Variants in CRY1 observed in about 807,000 individuals in gnomAD.
CRY1 encodes the protein cryptochrome-1.
CRY1 carries 45 observed loss-of-function variants against 76.0 expected under a neutral mutation model. That is an observed-to-expected ratio of 0.59 (90% confidence interval 0.47 to 0.76). The LOEUF (loss-of-function observed/expected upper bound fraction) is 0.76. CRY1 is among the 30% of genes least tolerant of loss of function. The pLI, the probability that CRY1 is intolerant of heterozygous loss-of-function variation, is 0.00. For missense variants in CRY1, 587 were observed against 716.4 expected, an observed-to-expected ratio of 0.82 and a Z score of 2.06; for synonymous variants, 248 against 244.0, an observed-to-expected ratio of 1.02 and a Z score of -0.15.
intron 10 of CRY1, among the ~76,000 whole-genome samples, chr12:106,994,855 G>A (rs1952216710): frequency 6.6e-6 from 1 of 152,214 alleles, no homozygotes; most frequent in South Asian, 2.1e-4. Flanking sequence ...AACTGAACAA[G>A]AGATCTGAAA....
At chr12:107,028,161 C>T (rs1255513792) in intron 1 of CRY1, among the ~76,000 whole-genome samples, 1 of 151,832 alleles carries the variant, frequency 6.6e-6, no homozygotes, top group Non-Finnish European at 1.5e-5. Context: ...TCTGTATACA[C>T]CATCATAAAG....
chr12:107,004,500 A>G (rs1422817904), intron 3 of CRY1, among the ~76,000 whole-genome samples: 2 of 152,218 alleles, frequency 1.3e-5, no homozygotes, highest in African/African-American at 4.8e-5. Flanking sequence ...CTCATAGCAT[A>G]TAACACTCCC....
intron 3 of CRY1, among the ~76,000 whole-genome samples, chr12:107,002,993 G>C (rs1952329278): frequency 1.3e-5 from 2 of 152,120 alleles, no homozygotes; most frequent in Admixed American, 6.6e-5. Flanking sequence ...AAATTGCCCA[G>C]TCTCGGGTAT....
At chr12:107,031,732 G>A (rs551642663) in intron 1 of CRY1, among the ~76,000 whole-genome samples, 2 of 152,100 alleles carry the variant, frequency 1.3e-5, no homozygotes, top group Admixed American at 6.5e-5. Flanking sequence ...ATTGAGGGCC[G>A]TTCTACAAAA....
chr12:107,078,014 C>G (rs903288551), intron 1 of CRY1, among the ~76,000 whole-genome samples: 1 of 152,044 alleles, frequency 6.6e-6, no homozygotes, highest in Non-Finnish European at 1.5e-5. Context: ...AAAAAATTTA[C>G]GTAATTCATT....
chr12:107,069,284 G>A (rs1424797463), intron 1 of CRY1, among the ~76,000 whole-genome samples: 1 of 149,764 alleles, frequency 6.7e-6, no homozygotes, highest in Non-Finnish European at 1.5e-5. Context: ...GAGTGCAGTG[G>A]TGCAATCTTG....
chr12:107,082,397 C>A (rs551092284), intron 1 of CRY1, among the ~76,000 whole-genome samples: 2 of 152,234 alleles, frequency 1.3e-5, no homozygotes, highest in East Asian at 3.9e-4. Flanking sequence ...AATATACATT[C>A]TTCTCACACC....
intron 1 of CRY1, among the ~76,000 whole-genome samples, chr12:107,066,668 A>G (rs1353245464): frequency 6.6e-6 from 1 of 151,994 alleles, no homozygotes; most frequent in African/African-American, 2.4e-5. Flanking sequence ...GTTTCACCAT[A>G]TTGCCCAGGC....
intron 1 of CRY1, among the ~76,000 whole-genome samples, chr12:107,069,537 TTATATATATAAAG>T (rs1953152727): frequency 7.1e-6 from 1 of 140,284 alleles, no homozygotes; most frequent in Non-Finnish European, 1.5e-5. Context: ...TATATATATA[TTATATATATAAAG>T]TATATATATA....
intron 1 of CRY1, chr12:107,042,975 C>T (rs946470633): frequency 3.9e-5 from 6 of 152,136 alleles, no homozygotes; most frequent in Non-Finnish European, 5.9e-5. Context: ...CTGTGCTCAC[C>T]GTAGAGAAAA....
Position 107,092,858 on chromosome 12 carries a change from T to C in CRY1, c.104A>G (p.Tyr35Cys), listed in dbSNP as rs759321847. Residue 35 changes from tyrosine (Y) to cysteine (C), a missense_variant, in exon 1 of 13, where the codon TAC becomes TGC. Tyr to Cys is a radical substitution (Grantham distance 194). Transcript: ENST00000008527. ...IQGADTIRCVYILDPWFAGSS... is the reference protein window; with the variant it reads ...IQGADTIRCVCILDPWFAGSS... ...GCCGGCGAACCAGGGGTCCAGGATGTAGACGCAGCGGATGGTGTCGGCGCC... is the reference window on the plus strand; with the variant it reads ...GCCGGCGAACCAGGGGTCCAGGATGCAGACGCAGCGGATGGTGTCGGCGCC... 3 of 1,611,156 alleles carry C rather than the reference T, an allele frequency of 1.9e-6. No individual in the cohort carries two copies. Among genetic ancestry groups the C allele is most frequent in the East Asian group, 2.2e-5 (1 of 44,854 alleles).
chr12:107,053,034 G>A (rs571635009), intron 1 of CRY1, among the ~76,000 whole-genome samples: 4 of 152,234 alleles, frequency 2.6e-5, no homozygotes, highest in South Asian at 4.2e-4. Flanking sequence ...GAGATGGTCC[G>A]AACTTGGATA....
intron 3 of CRY1, among the ~76,000 whole-genome samples, chr12:107,002,728 A>G (rs1241439831): frequency 2.0e-5 from 3 of 152,140 alleles, no homozygotes; most frequent in Non-Finnish European, 4.4e-5. Context: ...AACTCCCACA[A>G]TTCCCACATC....
chr12:107,013,692 C>G (rs896921216), intron 2 of CRY1, among the ~76,000 whole-genome samples: 1 of 152,096 alleles, frequency 6.6e-6, no homozygotes, highest in Non-Finnish European at 1.5e-5. Flanking sequence ...CACTAGGCCA[C>G]GTGTGGCTTC....
At chr12:107,082,850 A>G (rs1953344163) in intron 1 of CRY1, among the ~76,000 whole-genome samples, 1 of 152,228 alleles carries the variant, frequency 6.6e-6, no homozygotes. Context: ...AGATCGGAGC[A>G]AAACTGAAGG....
At chr12:107,092,735 T>C in intron 1 of CRY1, 69 bp downstream of exon 1, 1 of 1,584,046 alleles carries the variant, frequency 6.3e-7, no homozygotes, top group South Asian at 1.1e-5. Flanking sequence ...ATTTGGCGGA[T>C]CGCATGGAAT....
At chr12:107,063,304 TATTA>T (rs1593533002) in intron 1 of CRY1, among the ~76,000 whole-genome samples, 2 of 152,226 alleles carry the variant, frequency 1.3e-5, no homozygotes, top group Admixed American at 1.3e-4. Context: ...GAGGATACGC[TATTA>T]ATTAAGAAAT....
At chr12:107,086,660 T>C (rs575999130) in intron 1 of CRY1, among the ~76,000 whole-genome samples, 1 of 152,322 alleles carries the variant, frequency 6.6e-6, no homozygotes, top group South Asian at 2.1e-4. Flanking sequence ...ACCATAGGCC[T>C]TGATGGTTTC....
At chr12:107,080,658 AT>A (rs1953311208) in intron 1 of CRY1, among the ~76,000 whole-genome samples, 1 of 152,034 alleles carries the variant, frequency 6.6e-6, no homozygotes, top group Admixed American at 6.6e-5. Flanking sequence ...TTAAAAAAAA[AT>A]AAAAAAGAAA....
Sources: allele counts gnomAD v4.1 joint callset (sites outside exome capture counted in the v4.1 genomes callset), GRCh38; gene constraint gnomAD v4.1.1; transcripts MANE v1.5; gene names NCBI Gene and HGNC (gene_info 2026-07-23, HGNC 2026-07-21).